Variants in SLC12A5 observed in about 807,000 individuals in gnomAD.
SLC12A5 encodes the protein solute carrier family 12 member 5.
SLC12A5 carries 18 observed loss-of-function variants against 124.0 expected under a neutral mutation model. The ratio of observed to expected loss-of-function variants is 0.15; its 90% confidence interval spans 0.10 to 0.22. The LOEUF is 0.22. Ranked by LOEUF, SLC12A5 falls within the 10% of genes least tolerant of loss-of-function variation. The pLI is 1.00. For synonymous variants in SLC12A5, 589 were observed against 568.0 expected (o/e 1.04, Z -0.53); for missense variants, 867 against 1,478.7 (o/e 0.59, Z 6.78).
chr20:46,055,635 T>G (rs571064528), intron 21 of SLC12A5, among the ~76,000 whole-genome samples: 1 of 152,010 alleles, frequency 6.6e-6, no homozygotes, highest in South Asian at 2.1e-4. Flanking sequence ...CTCCTGGAGG[T>G]GGGTGATAAG....
At chr20:46,024,141 C>CTGTGTGTGTGTGTGTG (rs3222615), downstream of SLC12A5, among the ~76,000 whole-genome samples, 27 of 147,748 alleles carry the variant, frequency 1.8e-4, no homozygotes, top group Admixed American at 1.1e-3. Flanking sequence ...GTGGCAGAGG[C>CTGTGTGTGTGTGTGTG]TGTGTGTGTG....
Position 46,045,925 on chromosome 20 carries a change from C to G in SLC12A5, c.1617C>G (p.Leu539=). The G allele has an allele frequency of 1.2e-6, 2 of 1,614,216 alleles. No homozygotes were observed. The highest frequency in any genetic ancestry group is 1.7e-6 in the Non-Finnish European group (2 of 1,180,046). ...ATGGAGAGCCGACCTGGGCCCTGCT[C>G]CTGACTGCCTGCATCTGCGAGATTG... ...KANGEPTWAL[L]LTACICEIGI... is the part of the protein sequence containing the mutation. Residue 539 remains leucine (L), a synonymous_variant, in exon 13 of 26, where the codon CTC becomes CTG. Transcript: ENST00000243964. The surrounding 1 kb of genome is among the most constrained non-coding windows in gnomAD (Gnocchi z 4.9).
intron 15 of SLC12A5, 129 bp downstream of exon 15, chr20:46,047,702 T>G: frequency 8.2e-7 from 1 of 1,219,514 alleles, no homozygotes; most frequent in Non-Finnish European, 1.1e-6. Context: ...AGGATGGGGC[T>G]GGAGTAGAGG....
intron 10 of SLC12A5, 53 bp from the exon 11 acceptor site, chr20:46,043,823 G>A: frequency 2.5e-6 from 4 of 1,613,316 alleles, no homozygotes; most frequent in South Asian, 2.2e-5. Flanking sequence ...TGCAGGAAGG[G>A]TGGGGAGGGG....
At chr20:46,035,109 C>T (rs1476757213) in intron 2 of SLC12A5, 67 bp downstream of exon 2, 16 of 1,499,218 alleles carry the variant, frequency 1.1e-5, no homozygotes, top group South Asian at 4.6e-5. Context: ...CTGCTCTCTC[C>T]CTCCCTCCCT....
At chr20:46,032,784 G>A (rs1252283666) in intron 1 of SLC12A5, among the ~76,000 whole-genome samples, 1 of 152,118 alleles carries the variant, frequency 6.6e-6, no homozygotes, top group Non-Finnish European at 1.5e-5. Flanking sequence ...ACACCATGAT[G>A]TGCTGAGAAC....
chr20:46,045,036 A>T lies in SLC12A5; in HGVS notation c.1465A>T (p.Ile489Phe), dbSNP rs2084581563. The change falls in exon 12 of 26, where the codon ATC (isoleucine) becomes TTC (phenylalanine). Residue 489 changes from isoleucine (I) to phenylalanine (F), a missense_variant. By Grantham distance (21) the Ile-to-Phe change is conservative. Transcript: ENST00000243964. The surrounding 1 kb of genome is among the most constrained non-coding windows in gnomAD (Gnocchi z 4.9). The stretch of plus-strand genomic sequence containing the variant: ...CTGGCCATCTCCATGGGTAATTGTC[A>T]TCGGATCCTTCTTCTCCACCTGTGG... ...LAWPSPWVIV[I>F]GSFFSTCGAG... 1 of 1,614,128 alleles carries T rather than the reference A, an allele frequency of 6.2e-7. No homozygotes were observed. Among genetic ancestry groups the T allele is most frequent in the East Asian group, 2.2e-5 (1 of 44,858 alleles).
chr20:46,053,730 G>A lies in SLC12A5; in HGVS notation c.2679+21G>A, dbSNP rs371591823. On this transcript the variant is annotated intron_variant, in intron 20 of 25. Coordinates refer to ENST00000243964, the MANE Select transcript of SLC12A5 (RefSeq NM_020708.5). The surrounding 1 kb of genome is among the most constrained non-coding windows in gnomAD (Gnocchi z 4.7). ...AGATGGTGAGTCCCCAGGAGACACC[G>A]CTGGGGTTCCACCTGGCCCTCTTTC... The A allele has an allele frequency of 1.4e-4, 214 of 1,548,604 alleles. No individual in the cohort carries two copies. The highest frequency in any genetic ancestry group is 3.6e-4 in the African/African-American group (26 of 73,112).
intron 1 of SLC12A5, 142 bp from the exon 2 acceptor site, chr20:46,034,806 C>T (rs1176411906): frequency 1.4e-5 from 10 of 730,930 alleles, no homozygotes; most frequent in Admixed American, 4.0e-5. Flanking sequence ...CAACTGCAAC[C>T]CTGCAAGGAA....
At chr20:46,022,714 G>C in intron 1 of SLC12A5, 1 of 398,086 alleles carries the variant, frequency 2.5e-6, no homozygotes, top group Non-Finnish European at 4.4e-6. Flanking sequence ...GGCGGGGTTG[G>C]GGGCGTCTTC....
intron 4 of SLC12A5, 130 bp downstream of exon 4, chr20:46,036,053 A>T: frequency 1.7e-6 from 2 of 1,193,310 alleles, no homozygotes; most frequent in Non-Finnish European, 2.3e-6. Context: ...GATCTTTGAG[A>T]GTAAATTAGG....
intron 1 of SLC12A5, among the ~76,000 whole-genome samples, chr20:46,030,801 T>TC (rs1464678935): frequency 9.0e-5 from 13 of 144,832 alleles, no homozygotes; most frequent in South Asian, 2.2e-4. Context: ...TTTGTCTGAC[T>TC]CCCCCCCACC....
At position 46,051,989 on chromosome 20, in the gene SLC12A5, G is replaced by A. The variant is rs971180110; in HGVS notation, c.2377+119G>A. 3.3e-4 allele frequency: 296 copies of A among 889,764 alleles called. 2 individuals are homozygous for A. The Middle Eastern group carries it at 3.5e-3, about 10-fold the overall frequency. 55.1% of individuals were successfully genotyped at this position (889,764 alleles called of 1,614,324 possible). On this transcript the variant is annotated intron_variant, in intron 18 of 25. Coordinates refer to ENST00000243964, the MANE Select transcript of SLC12A5 (RefSeq NM_020708.5). ...TTCCCAAGCACTGCGTGCCAAGTGT[G>A]GATTCAGCATATGCAGGTGACAGCA...
chr20:46,053,706 G>T lies in SLC12A5; in HGVS notation c.2676G>T (p.Glu892Asp). The change falls in exon 20 of 26, where the codon GAG becomes GAT. Residue 892 changes from glutamate (E) to aspartate (D), a missense_variant. Coordinates refer to ENST00000243964, the MANE Select transcript of SLC12A5 (RefSeq NM_020708.5). This position sits in a 1 kb window ranked among gnomAD's most constrained non-coding sequence, Gnocchi z 4.7. ...TCACTGCGGAGGTCGAGGTGGTGGA[G>T]ATGGTGAGTCCCCAGGAGACACCGC... is the stretch of plus-strand genomic sequence containing the variant. ...LRITAEVEVV[E>D]MHESDISAYT... 6.3e-7 allele frequency: 1 copy of T among 1,588,838 alleles called. No homozygotes were observed. The highest frequency in any genetic ancestry group is 8.6e-7 in the Non-Finnish European group (1 of 1,164,156).
chr20:46,044,003 A>T, intron 11 of SLC12A5, 70 bp downstream of exon 11: 5 of 1,478,848 alleles, frequency 3.4e-6, no homozygotes, highest in Non-Finnish European at 4.6e-6. Flanking sequence ...TGGGAAACAG[A>T]CCCATCAGGA....
At chr20:46,022,111 C>T (rs1332381773) in intron 1 of SLC12A5, 3 of 192,006 alleles carry the variant, frequency 1.6e-5, no homozygotes, top group African/African-American at 8.5e-5. Flanking sequence ...GGCGTGGCCA[C>T]GAGGGAAAGG....
chr20:46,022,165 G>T, intron 1 of SLC12A5: 1 of 331,084 alleles, frequency 3.0e-6, no homozygotes, highest in South Asian at 5.0e-5. Flanking sequence ...AAGGGGGCGG[G>T]TCTGGTGATG....
At chr20:46,042,967 T>C (rs2084561089) in intron 8 of SLC12A5, among the ~76,000 whole-genome samples, 186 bp from the exon 9 acceptor site, 1 of 152,084 alleles carries the variant, frequency 6.6e-6, no homozygotes, top group South Asian at 2.1e-4. Flanking sequence ...CTGTGAAAGG[T>C]CTGTACATAG....
At chr20:46,029,471 G>C in intron 1 of SLC12A5, 75 bp downstream of exon 1, 2 of 1,464,294 alleles carry the variant, frequency 1.4e-6, no homozygotes, top group South Asian at 2.6e-5. Context: ...GAGGCGGAGC[G>C]GGGGCCACCT....
Sources: allele counts gnomAD v4.1 joint callset (sites outside exome capture counted in the v4.1 genomes callset), GRCh38; gene constraint gnomAD v4.1.1; non-coding constraint Gnocchi (gnomAD v3.1); transcripts MANE v1.5; gene names NCBI Gene and HGNC (gene_info 2026-07-23, HGNC 2026-07-21).